The following RAPGEF4 variants were observed in gnomAD, a reference collection of about 807,000 sequenced individuals.
RAPGEF4 encodes the protein Rap guanine nucleotide exchange factor 4.
Under a neutral mutation model 147.9 loss-of-function variants are expected in RAPGEF4, and 66 were observed. The observed-to-expected ratio is 0.45, with a 90% confidence interval of 0.37 to 0.55. RAPGEF4 has a LOEUF of 0.55. Among genes scored for constraint, RAPGEF4 ranks in the 20% least tolerant of loss-of-function variants. RAPGEF4 has a pLI of 0.00. For synonymous variants in RAPGEF4, 419 were observed against 442.7 expected, an observed-to-expected ratio of 0.95 and a Z score of 0.67; for missense variants, 1,071 against 1,257.3, an observed-to-expected ratio of 0.85 and a Z score of 2.24.
At chr2:173,032,685 T>G (rs990655150) in intron 26 of RAPGEF4, among the ~76,000 whole-genome samples, 4 of 152,142 alleles carry the variant, frequency 2.6e-5, no homozygotes, top group Admixed American at 6.5e-5. Flanking sequence ...GAACCCTAAC[T>G]TGAAATGCCA....
chr2:172,973,107 CT>C (rs58806286), intron 10 of RAPGEF4, among the ~76,000 whole-genome samples: 5,442 of 132,534 alleles, frequency 0.041, 58 homozygotes, highest in African/African-American at 0.062. Context: ...CTTTTTTTTT[CT>C]TTTTTTTTTT....
At chr2:173,001,515 T>C (rs567104853) in intron 17 of RAPGEF4, among the ~76,000 whole-genome samples, 171 bp downstream of exon 17, 3 of 152,310 alleles carry the variant, frequency 2.0e-5, no homozygotes, top group Non-Finnish European at 1.5e-5. Context: ...TTTTCCCCTG[T>C]ACAGACTCTA....
chr2:172,993,682 C>T (rs186193707), intron 15 of RAPGEF4, among the ~76,000 whole-genome samples: 7 of 152,238 alleles, frequency 4.6e-5, no homozygotes, highest in Admixed American at 6.5e-5. Context: ...GAAACAAAGC[C>T]GTCACGTGAT....
At chr2:172,811,695 A>C (rs1574916145) in intron 3 of RAPGEF4, among the ~76,000 whole-genome samples, 1 of 152,216 alleles carries the variant, frequency 6.6e-6, no homozygotes, top group Admixed American at 6.5e-5. Context: ...ATCCTGACCC[A>C]TGGAGATCTG....
intron 1 of RAPGEF4, among the ~76,000 whole-genome samples, chr2:172,777,469 C>T (rs939320338): frequency 5.3e-5 from 8 of 152,116 alleles, no homozygotes; most frequent in African/African-American, 1.7e-4. Context: ...TATCTCTCAG[C>T]ACTGTGTGAC....
At chr2:172,874,518 G>A (rs550125891) in intron 4 of RAPGEF4, among the ~76,000 whole-genome samples, 75 of 152,136 alleles carry the variant, frequency 4.9e-4, no homozygotes, top group Middle Eastern at 6.8e-3. Context: ...TTGTCCTTGC[G>A]ACAGTTTGCT....
At chr2:173,027,710 G>A (rs1696799258) in intron 25 of RAPGEF4, among the ~76,000 whole-genome samples, 1 of 152,190 alleles carries the variant, frequency 6.6e-6, no homozygotes, top group African/African-American at 2.4e-5. Flanking sequence ...AAATGCATGC[G>A]AGCTAACCTG....
chr2:172,953,153 C>T (rs779107818), intron 6 of RAPGEF4, among the ~76,000 whole-genome samples: 1 of 151,464 alleles, frequency 6.6e-6, no homozygotes, highest in African/African-American at 2.4e-5. Context: ...TTCAGTGCCC[C>T]TGATTTATGA....
At chr2:172,916,599 T>C (rs541949713) in intron 4 of RAPGEF4, among the ~76,000 whole-genome samples, 1 of 152,284 alleles carries the variant, frequency 6.6e-6, no homozygotes, top group South Asian at 2.1e-4. Context: ...AGTGATCACT[T>C]AGCTCAGAGG....
intron 4 of RAPGEF4, among the ~76,000 whole-genome samples, chr2:172,905,915 A>G (rs997730635): frequency 6.6e-6 from 1 of 152,256 alleles, no homozygotes; most frequent in Non-Finnish European, 1.5e-5. Flanking sequence ...AACTCAGTCC[A>G]GCCAGTGATC....
intron 4 of RAPGEF4, among the ~76,000 whole-genome samples, chr2:172,860,935 C>T (rs1693971275): frequency 6.6e-6 from 1 of 152,070 alleles, no homozygotes; most frequent in Non-Finnish European, 1.5e-5. Context: ...AGCATCTGCA[C>T]AAGGAGAAAG....
intron 4 of RAPGEF4, among the ~76,000 whole-genome samples, chr2:172,863,875 A>G (rs1005502060): frequency 7.2e-5 from 11 of 152,216 alleles, no homozygotes; most frequent in Admixed American, 7.2e-4. Context: ...TAATAGCAAA[A>G]CCACTTTTCA....
At chr2:172,933,944 A>G (rs1379855807) in intron 6 of RAPGEF4, among the ~76,000 whole-genome samples, 2 of 152,174 alleles carry the variant, frequency 1.3e-5, no homozygotes, top group Non-Finnish European at 2.9e-5. Flanking sequence ...TTAAATGGCT[A>G]TGGCCTGCTT....
At chr2:172,994,479 C>T (rs1693126936) in intron 15 of RAPGEF4, among the ~76,000 whole-genome samples, 1 of 152,210 alleles carries the variant, frequency 6.6e-6, no homozygotes, top group African/African-American at 2.4e-5. Context: ...GCCTCCCCGT[C>T]CTGAGCGGTC....
intron 1 of RAPGEF4, among the ~76,000 whole-genome samples, chr2:172,790,389 A>AT (rs1218266889): frequency 2.0e-5 from 3 of 152,118 alleles, no homozygotes; most frequent in Non-Finnish European, 4.4e-5. Flanking sequence ...TTAAAAAGTC[A>AT]TTTTTTATAA....
chr2:172,736,301 A>G (rs1378124776), intron 1 of RAPGEF4: 1 of 295,466 alleles, frequency 3.4e-6, no homozygotes, highest in Non-Finnish European at 6.2e-6. Flanking sequence ...GAGAGCACCC[A>G]CCTCTCCAAC....
At chr2:172,965,296 C>T in intron 8 of RAPGEF4, 1 of 433,032 alleles carries the variant, frequency 2.3e-6, no homozygotes, top group South Asian at 4.0e-5. Context: ...TCTAGCGGCC[C>T]CCTGGTCTCC....
chr2:172,988,680 C>G lies in RAPGEF4; in HGVS notation c.1228-13C>G. Reference sequence around the variant, plus strand: ...CAGGGATCTTCTTCATCTGTGTGCTCTACTCTATCCAGGGTGTGGTCTGCA... The same window carrying G: ...CAGGGATCTTCTTCATCTGTGTGCTGTACTCTATCCAGGGTGTGGTCTGCA... On this transcript the variant is annotated splice_polypyrimidine_tract_variant and intron_variant, in intron 13 of 30. Transcript: ENST00000397081. 6.2e-7 allele frequency: 1 copy of G among 1,608,888 alleles called. No individual in the cohort carries two copies. Among genetic ancestry groups the G allele is most frequent in the Non-Finnish European group, 8.5e-7 (1 of 1,175,568 alleles).
chr2:172,977,541 A>G (rs1398766804), intron 10 of RAPGEF4, among the ~76,000 whole-genome samples: 1 of 151,784 alleles, frequency 6.6e-6, no homozygotes, highest in Admixed American at 6.6e-5. Context: ...AGCCTCCGAG[A>G]GGCTGGGCTG....
Sources: allele counts gnomAD v4.1 joint callset (sites outside exome capture counted in the v4.1 genomes callset), GRCh38; gene constraint gnomAD v4.1.1; transcripts MANE v1.5; gene names NCBI Gene and HGNC (gene_info 2026-07-23, HGNC 2026-07-21).